The following AGO2 variants were observed in gnomAD, a reference collection of about 807,000 sequenced individuals.
The protein encoded by AGO2 is protein argonaute-2.
A neutral mutation model predicts 102.3 loss-of-function variants in AGO2; 5 were observed. That is an observed-to-expected ratio of 0.05 (90% CI 0.03 to 0.10). The LOEUF is 0.10. Among genes scored for constraint, AGO2 ranks in the 10% least tolerant of loss-of-function variants. The pLI, the probability that AGO2 is intolerant of heterozygous loss-of-function variation, is 1.00. For missense variants in AGO2, 541 were observed against 1,183.7 expected (o/e 0.46, Z 7.97); for synonymous variants, 449 against 473.1 (o/e 0.95, Z 0.66).
At chr8:140,600,554 C>G (rs1475746324) in intron 1 of AGO2, among the ~76,000 whole-genome samples, 1 of 152,182 alleles carries the variant, frequency 6.6e-6, no homozygotes, top group African/African-American at 2.4e-5. Context: ...GTGGCGCATG[C>G]CTGTAATCCC....
Position 140,557,494 on chromosome 8 carries a change from T to A in AGO2, c.879-258A>T, listed in dbSNP as rs532122449. Among the ~76,000 whole-genome samples the A allele has an allele frequency of 6.6e-5, 10 of 152,244 alleles. No homozygotes were observed. The highest frequency in any genetic ancestry group is 2.4e-4 in the African/African-American group (10 of 41,552). On this transcript the variant is annotated intron_variant, in intron 7 of 18. Transcript: ENST00000220592. This position sits in a 1 kb window ranked among gnomAD's most constrained non-coding sequence, Gnocchi z 5.9. ...TCATAAATTATCCACAACGTCACAG[T>A]GTGTGTAAAGGAGTCAGGACGAATG...
chr8:140,535,489 C>T lies in AGO2; in HGVS notation c.2250G>A (p.Leu750=). 1 of 1,614,262 alleles carries T rather than the reference C, an allele frequency of 6.2e-7. No individual in the cohort carries two copies. Residue 750 remains leucine (L), a synonymous_variant, in exon 17 of 19, where the codon CTG becomes CTA. Coordinates refer to ENST00000220592, the MANE Select transcript of AGO2 (RefSeq NM_012154.5). ...TTACCTGGATGCCAGCGTGACTACACAGGTAGAAGTCGAACTCGGTGGGGT... is the reference window on the plus strand; with the variant it reads ...TTACCTGGATGCCAGCGTGACTACATAGGTAGAAGTCGAACTCGGTGGGGT... The part of the protein sequence containing the change: ...ITHPTEFDFY[L]CSHAGIQGTS...
intron 2 of AGO2, among the ~76,000 whole-genome samples, chr8:140,582,518 A>C (rs538819972): frequency 6.6e-6 from 1 of 152,364 alleles, no homozygotes; most frequent in East Asian, 1.9e-4. Flanking sequence ...AAGCATTTTC[A>C]GTAAGGGATA....
intron 16 of AGO2, among the ~76,000 whole-genome samples, chr8:140,537,326 C>CTT (rs71504803): frequency 1.6e-4 from 23 of 144,842 alleles, no homozygotes; most frequent in East Asian, 4.0e-4. Context: ...GGTTTCTTTT[C>CTT]TTTTTTTTTT....
At chr8:140,598,226 G>A (rs563587241) in intron 1 of AGO2, among the ~76,000 whole-genome samples, 5 of 152,334 alleles carry the variant, frequency 3.3e-5, no homozygotes, top group Admixed American at 6.5e-5. Context: ...CCGAGACGGC[G>A]TGTTCTGTGC....
chr8:140,616,268 C>T (rs1025213661), intron 1 of AGO2, among the ~76,000 whole-genome samples: 60 of 152,196 alleles, frequency 3.9e-4, no homozygotes, highest in African/African-American at 1.4e-3. Context: ...AGGCTCACTC[C>T]TCAAAGGACC....
intron 2 of AGO2, among the ~76,000 whole-genome samples, chr8:140,579,207 A>G (rs1039506699): frequency 1.3e-5 from 2 of 151,996 alleles, no homozygotes; most frequent in East Asian, 3.9e-4. Flanking sequence ...TGGGTAACAG[A>G]GGGAGACACT....
intron 1 of AGO2, among the ~76,000 whole-genome samples, chr8:140,594,534 T>C (rs1467775811): frequency 6.6e-6 from 1 of 152,000 alleles, no homozygotes. Context: ...ACACCTGTAA[T>C]CTCAGCACTT....
intron 2 of AGO2, among the ~76,000 whole-genome samples, chr8:140,578,144 G>A (rs997615618): frequency 1.3e-5 from 2 of 152,224 alleles, no homozygotes; most frequent in Non-Finnish European, 2.9e-5. Context: ...AGGAGGGGCC[G>A]ATCTTGTGTA....
intron 1 of AGO2, among the ~76,000 whole-genome samples, chr8:140,606,221 A>C (rs1174805066): frequency 6.6e-6 from 1 of 152,194 alleles, no homozygotes; most frequent in African/African-American, 2.4e-5. Context: ...GTAGGTTCTG[A>C]TGCCTAAGGA....
chr8:140,562,224 A>G (rs547394771), intron 4 of AGO2, among the ~76,000 whole-genome samples: 3 of 152,354 alleles, frequency 2.0e-5, no homozygotes, highest in African/African-American at 7.2e-5. Context: ...GCACACAAAT[A>G]GGGAGGCCAA....
At position 140,526,212 on chromosome 8, in the gene AGO2, A is replaced by T. The variant is rs574442609; in HGVS notation, c.*5832T>A. ...GAGTGTATAAAAGAGAGGAGAGGAC[A>T]GAGGAGGCCATTTTCAACCCATTTG... On this transcript the variant is annotated 3_prime_UTR_variant, in exon 19 of 19. Coordinates refer to ENST00000220592, the MANE Select transcript of AGO2 (RefSeq NM_012154.5). The surrounding 1 kb of genome is among the most constrained non-coding windows in gnomAD (Gnocchi z 5.2). 6.6e-6 allele frequency: 1 copy of T among 152,368 alleles called. No individual in the cohort carries two copies. The highest frequency in any genetic ancestry group is 6.5e-5 in the Admixed American group (1 of 15,304). 9.4% of individuals were successfully genotyped at this position (152,368 alleles called of 1,614,324 possible). A position where few individuals can be genotyped will look rare whatever the true frequency, so the allele number is the denominator to read the frequency against.
intron 1 of AGO2, among the ~76,000 whole-genome samples, chr8:140,591,218 A>G (rs370062162): frequency 2.6e-5 from 4 of 152,224 alleles, no homozygotes; most frequent in East Asian, 1.9e-4. Context: ...GTTCTCCCTG[A>G]GTAGAAATTA....
intron 3 of AGO2, among the ~76,000 whole-genome samples, chr8:140,566,777 G>T (rs2073293839): frequency 6.6e-6 from 1 of 152,226 alleles, no homozygotes; most frequent in African/African-American, 2.4e-5. Flanking sequence ...CCCAGGACCA[G>T]TGGCTTGGCT....
chr8:140,542,982 CA>C (rs2072828449), intron 14 of AGO2, among the ~76,000 whole-genome samples: 1 of 152,108 alleles, frequency 6.6e-6, no homozygotes, highest in Non-Finnish European at 1.5e-5. Context: ...CTATAAAATA[CA>C]AAATTTAGCC....
chr8:140,638,824 C>G (rs1428180572), upstream of AGO2, among the ~76,000 whole-genome samples: 1 of 152,198 alleles, frequency 6.6e-6, no homozygotes, highest in African/African-American at 2.4e-5. Flanking sequence ...ATCCTCCCAC[C>G]TTGGCCTCCT....
intron 1 of AGO2, among the ~76,000 whole-genome samples, chr8:140,634,328 G>T (rs903859056): frequency 2.0e-5 from 3 of 152,278 alleles, no homozygotes; most frequent in Non-Finnish European, 2.9e-5. Context: ...CACAATTTGG[G>T]GCCGGTCTGC....
intron 17 of AGO2, 159 bp downstream of exon 17, chr8:140,535,309 A>C: frequency 1.5e-6 from 1 of 680,686 alleles, no homozygotes; most frequent in Non-Finnish European, 2.5e-6. Flanking sequence ...TCCCCACCCC[A>C]GCGCCTGGCA....
chr8:140,584,107 G>T (rs963673804), intron 2 of AGO2, among the ~76,000 whole-genome samples: 12 of 138,624 alleles, frequency 8.7e-5, no homozygotes, highest in Non-Finnish European at 1.4e-4. Flanking sequence ...AACTCTCACG[G>T]ATCAATAACA....
Sources: gnomAD v4.1 joint callset for allele counts (sites outside exome capture counted in the v4.1 genomes callset) on GRCh38, gnomAD v4.1.1 for gene constraint, Gnocchi (gnomAD v3.1) non-coding constraint, MANE v1.5 for transcripts, NCBI Gene and HGNC (gene_info 2026-07-23, HGNC 2026-07-21) for gene names.